The following ADAMTSL1 variants were observed in gnomAD, a reference collection of about 807,000 sequenced individuals.
ADAMTSL1 encodes ADAMTS-like protein 1.
In ADAMTSL1, 126 loss-of-function variants were observed where a neutral mutation model predicts 201.8. The ratio of observed to expected loss-of-function variants is 0.62; its 90% confidence interval spans 0.54 to 0.72. ADAMTSL1 has a LOEUF of 0.72. ADAMTSL1 is among the 30% of genes least tolerant of loss of function. ADAMTSL1 has a pLI of 0.00. For missense variants in ADAMTSL1, 2,679 were observed against 2,277.8 expected (o/e 1.18, Z -3.59); for synonymous variants, 1,121 against 903.4 (o/e 1.24, Z -4.32).
intron 1 of ADAMTSL1, among the ~76,000 whole-genome samples, chr9:18,107,282 G>A (rs946648258): frequency 3.9e-5 from 6 of 152,090 alleles, no homozygotes; most frequent in South Asian, 2.1e-4. Context: ...TCCTAATCCA[G>A]CAGTTTTACA....
rs564509488 is a variant in ADAMTSL1, at chr9:18,231,203, A to C, written c.207+67222A>C. 8.2e-4 allele frequency among the ~76,000 whole-genome samples: 124 copies of C among 152,128 alleles called. 1 individual carries two copies. The highest frequency in any genetic ancestry group is 2.9e-3 in the African/African-American group (122 of 41,474). Reference sequence around the variant, plus strand: ...CCACCTACTTGTCTCACTTCTCTGTACCCCTTGGTACCAAAACATTTCATA... The same window carrying C: ...CCACCTACTTGTCTCACTTCTCTGTCCCCCTTGGTACCAAAACATTTCATA... On this transcript the variant is annotated intron_variant, in intron 2 of 29. Transcript: ENST00000680146.
chr9:18,209,158 TG>T (rs1480165831), intron 2 of ADAMTSL1, among the ~76,000 whole-genome samples: 22 of 152,316 alleles, frequency 1.4e-4, no homozygotes, highest in African/African-American at 4.8e-4. Flanking sequence ...ATTATACAAG[TG>T]TTTTTTTGTC....
rs576930633 is a variant in ADAMTSL1 at position 18,172,411 on chromosome 9, C to G, written c.207+8430C>G. Among the ~76,000 whole-genome samples the G allele has an allele frequency of 2.0e-5, 3 of 152,096 alleles. No homozygotes were observed. The East Asian group carries it at 5.8e-4, about 30-fold the overall frequency. ...AGCCTTACTCATCATAAGGGATTTA[C>G]AAATTAAAATAACAGAAATAGCATT... On this transcript the variant is annotated intron_variant, in intron 2 of 29. Transcript: ENST00000680146.
At chr9:18,693,867 C>G (rs1164358962) in intron 13 of ADAMTSL1, among the ~76,000 whole-genome samples, 1 of 152,118 alleles carries the variant, frequency 6.6e-6, no homozygotes. Flanking sequence ...CCTATTAGGT[C>G]TGAGGGTCAG....
At chr9:18,352,097 A>T (rs1563906138) in intron 2 of ADAMTSL1, among the ~76,000 whole-genome samples, 1 of 152,144 alleles carries the variant, frequency 6.6e-6, no homozygotes, top group Non-Finnish European at 1.5e-5. Context: ...CAAAATATAT[A>T]AAATAGATGT....
At chr9:18,871,249 A>T (rs573471735) in intron 23 of ADAMTSL1, among the ~76,000 whole-genome samples, 1 of 152,330 alleles carries the variant, frequency 6.6e-6, no homozygotes, top group East Asian at 1.9e-4. Context: ...TTTCATAAAC[A>T]AATGAAACCA....
Position 18,908,634 on chromosome 9 carries a change from T to C in ADAMTSL1, c.*86T>C. The C allele has an allele frequency of 9.4e-7, 1 of 1,065,926 alleles. No homozygotes were observed. The highest frequency in any genetic ancestry group is 1.3e-6 in the Non-Finnish European group (1 of 741,484). The allele number at this position is 1,065,926 out of a possible 1,614,324, so 66.0% of individuals were successfully genotyped here. Reference sequence around the variant, plus strand: ...GACAGAACCTAAGCTTTCTTCATTTTATTTATTTATTTCCCCCTCCCCACT... The same window carrying C: ...GACAGAACCTAAGCTTTCTTCATTTCATTTATTTATTTCCCCCTCCCCACT... On this transcript the variant is annotated 3_prime_UTR_variant, in exon 29 of 29. Transcript: ENST00000380548.
chr9:18,020,376 T>G (rs1313371094), intron 1 of ADAMTSL1, among the ~76,000 whole-genome samples: 3 of 152,078 alleles, frequency 2.0e-5, no homozygotes, highest in Non-Finnish European at 1.5e-5. Context: ...TTATCCTGAG[T>G]GCTCTGCTTT....
At chr9:18,675,096 A>G (rs1225661302) in intron 9 of ADAMTSL1, among the ~76,000 whole-genome samples, 1 of 152,194 alleles carries the variant, frequency 6.6e-6, no homozygotes, top group Non-Finnish European at 1.5e-5. Context: ...TAAACCTCAC[A>G]GGTTTCCCAG....
chr9:18,341,752 C>T (rs1835470195), intron 2 of ADAMTSL1, among the ~76,000 whole-genome samples: 1 of 152,122 alleles, frequency 6.6e-6, no homozygotes, highest in African/African-American at 2.4e-5. Context: ...TTTTATATAA[C>T]TTCCCTCTTT....
chr9:18,032,405 G>A (rs577081879), intron 1 of ADAMTSL1, among the ~76,000 whole-genome samples: 85 of 152,290 alleles, frequency 5.6e-4, no homozygotes, highest in Non-Finnish European at 1.0e-3. Flanking sequence ...TGAGGAGTCC[G>A]AACTGCTCTC....
At chr9:18,457,025 T>G (rs1432562905) in intron 2 of ADAMTSL1, among the ~76,000 whole-genome samples, 1 of 152,214 alleles carries the variant, frequency 6.6e-6, no homozygotes, top group Non-Finnish European at 1.5e-5. Flanking sequence ...AGTAAAAGTA[T>G]GCAATTTTTT....
intron 1 of ADAMTSL1, among the ~76,000 whole-genome samples, chr9:18,135,207 T>A (rs548760107): frequency 6.6e-6 from 1 of 152,234 alleles, no homozygotes; most frequent in East Asian, 1.9e-4. Context: ...GTAAAAAACA[T>A]AAAACGCTGC....
intron 4 of ADAMTSL1, among the ~76,000 whole-genome samples, chr9:18,601,042 C>G (rs1004847238): frequency 6.6e-6 from 1 of 152,100 alleles, no homozygotes; most frequent in African/African-American, 2.4e-5. Context: ...TCTGATTTCT[C>G]AAAACCTTAA....
intron 1 of ADAMTSL1, among the ~76,000 whole-genome samples, chr9:18,080,331 G>A (rs1192534238): frequency 6.6e-6 from 1 of 152,122 alleles, no homozygotes; most frequent in African/African-American, 2.4e-5. Flanking sequence ...GTAAGACTGA[G>A]GCAGAAGGAT....
rs184879505 is a variant in ADAMTSL1, at chr9:18,000,510, A to G, written c.87+93588A>G. 2.4e-4 allele frequency among the ~76,000 whole-genome samples: 36 copies of G among 152,074 alleles called. 1 individual carries two copies. The highest frequency in any genetic ancestry group is 6.8e-3 in the Middle Eastern group (2 of 294). ...CTCTGAGCCCAGTTTCTTGACATCC[A>G]CAAATGAGATCCTTTCTCTCTGCCA... On this transcript the variant is annotated intron_variant, in intron 1 of 29. Coordinates refer to the ADAMTSL1 transcript ENST00000680146.
intron 1 of ADAMTSL1, among the ~76,000 whole-genome samples, chr9:18,485,065 A>G (rs759054945): frequency 5.9e-5 from 9 of 152,214 alleles, no homozygotes; most frequent in Non-Finnish European, 1.3e-4. Flanking sequence ...AAATTATCTA[A>G]TTCTCATAAG....
chr9:17,984,514 T>A (rs1170426531), intron 1 of ADAMTSL1, among the ~76,000 whole-genome samples: 2 of 152,178 alleles, frequency 1.3e-5, no homozygotes, highest in Non-Finnish European at 2.9e-5. Flanking sequence ...ATATGAAGTA[T>A]GTACCAATTG....
intron 1 of ADAMTSL1, among the ~76,000 whole-genome samples, chr9:18,117,166 A>C (rs1423444809): frequency 6.6e-6 from 1 of 152,056 alleles, no homozygotes; most frequent in African/African-American, 2.4e-5. Context: ...TGCTGTAGTT[A>C]TCTCTATATT....
Sources: gnomAD v4.1 joint callset for allele counts (sites outside exome capture counted in the v4.1 genomes callset) on GRCh38, gnomAD v4.1.1 for gene constraint, MANE v1.5 for transcripts, NCBI Gene and HGNC (gene_info 2026-07-23, HGNC 2026-07-21) for gene names.